Variants in CFAP221 observed in about 807,000 individuals in gnomAD.
CFAP221 encodes the protein cilia- and flagella-associated protein 221.
A neutral mutation model predicts 113.1 loss-of-function variants in CFAP221; 97 were observed. The ratio of observed to expected loss-of-function variants is 0.86; its 90% CI spans 0.73 to 1.02. CFAP221 has a LOEUF of 1.02. CFAP221 is among the 50% of genes least tolerant of loss of function. CFAP221 has a pLI of 0.00. For synonymous variants in CFAP221, 331 were observed against 354.4 expected, an observed-to-expected ratio of 0.93 and a Z score of 0.74; for missense variants, 1,025 against 1,013.4, an observed-to-expected ratio of 1.01 and a Z score of -0.16.
At chr2:119,654,141 A>T (rs1688290723) in intron 23 of CFAP221, among the ~76,000 whole-genome samples, 1 of 152,160 alleles carries the variant, frequency 6.6e-6, no homozygotes, top group African/African-American at 2.4e-5. Flanking sequence ...TTTGTCTGTG[A>T]TAGTTCCAGA....
intron 5 of CFAP221, among the ~76,000 whole-genome samples, chr2:119,561,547 CTA>C (rs1377552367): frequency 6.6e-6 from 1 of 152,122 alleles, no homozygotes; most frequent in Non-Finnish European, 1.5e-5. Flanking sequence ...AAGAAAGAAA[CTA>C]TGCCTGGAGA....
At position 119,605,367 on chromosome 2, in the gene CFAP221, GT is replaced by G. The variant is rs1194996705; in HGVS notation, c.1133+79del. 4 of 1,128,372 alleles carry G rather than the reference GT, an allele frequency of 3.5e-6. No individual in the cohort carries two copies. In the African/African-American group the frequency reaches 6.2e-5, roughly 18 times the overall value. The allele number at this position is 1,128,372 out of a possible 1,614,324, so 69.9% of individuals were successfully genotyped here. On this transcript the variant is annotated intron_variant, in intron 11 of 23. Transcript: ENST00000413369. ...GATGATCTTTTATAAATGAGAGACA[GT>G]AAAATGTAATAACCTTTTAGGTACT...
Position 119,627,638 on chromosome 2 carries a change from T to C in CFAP221, c.1517-15T>C. On this transcript the variant is annotated splice_polypyrimidine_tract_variant and intron_variant, in intron 15 of 23. Transcript: ENST00000413369. The stretch of plus-strand genomic sequence containing the variant: ...CTTTAGTACCCCCTAAAAGTGCCCT[T>C]TTTTTCACCCATAGAGGCGAATTTC... 1 of 1,612,066 alleles carries C rather than the reference T, an allele frequency of 6.2e-7. No individual in the cohort carries two copies. Among genetic ancestry groups the C allele is most frequent in the East Asian group, 2.2e-5 (1 of 44,802 alleles).
chr2:119,606,249 C>T (rs1684754266), intron 11 of CFAP221, among the ~76,000 whole-genome samples: 1 of 151,720 alleles, frequency 6.6e-6, no homozygotes, highest in African/African-American at 2.4e-5. Context: ...TATTCTCCTG[C>T]TTGACCTCCC....
Position 119,546,233 on chromosome 2 carries a change from AAAAAG to A in CFAP221, c.110_114del (p.Lys37SerfsTer3). On this transcript the variant is annotated frameshift_variant, in exon 2 of 24. Coordinates refer to ENST00000413369, the MANE Select transcript of CFAP221 (RefSeq NM_001271049.2). LOFTEE classifies it high-confidence loss of function. ...TGAAGAACCTAGTGGAGGAGCCGAA[AAAAAG>A]AAAAGAAGTACCTAATCACCTCCTA... 2 of 1,535,912 alleles carry A rather than the reference AAAAAG, an allele frequency of 1.3e-6. No homozygotes were observed. Among genetic ancestry groups the A allele is most frequent in the Non-Finnish European group, 1.7e-6 (2 of 1,146,824 alleles).
chr2:119,562,452 A>G lies in CFAP221; in HGVS notation c.527+338A>G, dbSNP rs769487315. Reference sequence around the variant, plus strand: ...TCCACCATCTTGCGCTTCATTCTCAACAGGTCCCCTTCATGGGGGCAAGAC... The same window carrying G: ...TCCACCATCTTGCGCTTCATTCTCAGCAGGTCCCCTTCATGGGGGCAAGAC... On this transcript the variant is annotated intron_variant, in intron 6 of 23. Transcript: ENST00000413369. Among the ~76,000 whole-genome samples the G allele has an allele frequency of 1.8e-4, 28 of 152,060 alleles. 1 individual carries two copies. The highest frequency in any genetic ancestry group is 3.2e-3 in the Middle Eastern group (1 of 316).
chr2:119,545,178 A>G (rs906995598), intron 1 of CFAP221: 1 of 151,116 alleles, frequency 6.6e-6, no homozygotes, highest in Non-Finnish European at 1.5e-5. Context: ...CTCCAGAAAA[A>G]ACAAAACCGA....
chr2:119,608,359 A>G (rs1574120169), intron 11 of CFAP221, 143 bp from the exon 12 acceptor site: 3 of 534,926 alleles, frequency 5.6e-6, no homozygotes, highest in South Asian at 3.5e-5. Flanking sequence ...TGAAGCCTCT[A>G]TAACTAACTT....
intron 6 of CFAP221, among the ~76,000 whole-genome samples, chr2:119,582,174 CAAG>C (rs1283231749): frequency 6.6e-6 from 1 of 152,094 alleles, no homozygotes; most frequent in Non-Finnish European, 1.5e-5. Context: ...AATATGCCAG[CAAG>C]AAGAAAAACA....
intron 14 of CFAP221, among the ~76,000 whole-genome samples, chr2:119,620,957 G>A (rs1436562474): frequency 6.6e-6 from 1 of 151,576 alleles, no homozygotes; most frequent in Admixed American, 6.6e-5. Flanking sequence ...GGGCATGGTG[G>A]CTCATGCCTG....
chr2:119,625,534 G>A, intron 14 of CFAP221, 49 bp from the exon 15 acceptor site: 1 of 1,499,470 alleles, frequency 6.7e-7, no homozygotes, highest in Non-Finnish European at 9.2e-7. Flanking sequence ...ATGCCAAAAT[G>A]AGCGTGTGTT....
At chr2:119,659,016 A>G (rs1436195083), downstream of CFAP221, among the ~76,000 whole-genome samples, 9 of 152,074 alleles carry the variant, frequency 5.9e-5, no homozygotes, top group South Asian at 6.2e-4. Flanking sequence ...AAAGAAAAAA[A>G]AAAAAACGCA....
At chr2:119,597,786 A>G (rs1378533789) in intron 7 of CFAP221, among the ~76,000 whole-genome samples, 2 of 152,214 alleles carry the variant, frequency 1.3e-5, no homozygotes, top group Admixed American at 1.3e-4. Flanking sequence ...TGTACACCCT[A>G]TGTAAATGAA....
intron 19 of CFAP221, among the ~76,000 whole-genome samples, chr2:119,632,813 A>T (rs1342463129): frequency 6.6e-6 from 1 of 152,166 alleles, no homozygotes; most frequent in Non-Finnish European, 1.5e-5. Context: ...GAATCACCAT[A>T]TAAAAATCAA....
At chr2:119,611,805 G>T (rs1574130892) in intron 13 of CFAP221, 63 bp downstream of exon 13, 3 of 1,209,916 alleles carry the variant, frequency 2.5e-6, no homozygotes, top group Non-Finnish European at 2.4e-6. Context: ...TTATTTTTTT[G>T]AATGCTAAAC....
chr2:119,633,905 T>C (rs940356468), intron 19 of CFAP221, among the ~76,000 whole-genome samples: 1 of 152,162 alleles, frequency 6.6e-6, no homozygotes, highest in African/African-American at 2.4e-5. Flanking sequence ...CTGTAGAAAA[T>C]AGTATGGAGG....
chr2:119,648,714 G>C (rs1485123989), intron 22 of CFAP221: 1 of 154,484 alleles, frequency 6.5e-6, no homozygotes, highest in Non-Finnish European at 1.5e-5. Context: ...TAGAGTTCAG[G>C]CTTGAGGGTC....
At chr2:119,633,553 A>T (rs182689060) in intron 19 of CFAP221, among the ~76,000 whole-genome samples, 2 of 152,012 alleles carry the variant, frequency 1.3e-5, no homozygotes, top group African/African-American at 4.8e-5. Context: ...GAATAAATAA[A>T]TATATAGTCA....
At chr2:119,645,330 C>A (rs1687734940) in intron 21 of CFAP221, among the ~76,000 whole-genome samples, 1 of 151,738 alleles carries the variant, frequency 6.6e-6, no homozygotes, top group South Asian at 2.1e-4. Flanking sequence ...AGGGAAGTGT[C>A]CCTCCCACCT....
Sources: gnomAD v4.1 joint callset for allele counts (sites outside exome capture counted in the v4.1 genomes callset) on GRCh38, gnomAD v4.1.1 for gene constraint, MANE v1.5 for transcripts, NCBI Gene and HGNC (gene_info 2026-07-23, HGNC 2026-07-21) for gene names.